The following TTC28 variants were observed in gnomAD, a reference collection of about 807,000 sequenced individuals.
TTC28 encodes tetratricopeptide repeat domain 28, also known as tetratricopeptide repeat protein 28.
Under a neutral mutation model 198.0 loss-of-function variants are expected in TTC28, and 61 were observed. The observed-to-expected ratio is 0.31, with a 90% CI of 0.25 to 0.38. TTC28 has a LOEUF of 0.38. TTC28 is among the 10% of genes least tolerant of loss of function. The probability of loss-of-function intolerance (pLI) is 1.00; values close to 1 mark genes in which losing one functional copy is unlikely to be tolerated. For synonymous variants in TTC28, 1,171 were observed against 1,297.8 expected (o/e 0.90, Z 2.10); for missense variants, 2,678 against 3,164.0 (o/e 0.85, Z 3.69).
intron 2 of TTC28, among the ~76,000 whole-genome samples, chr22:28,385,967 T>C (rs925454517): frequency 6.6e-6 from 1 of 151,854 alleles, no homozygotes; most frequent in Non-Finnish European, 1.5e-5. Context: ...CCCGCTCGAG[T>C]CCCATTTTCT....
intron 17 of TTC28, chr22:27,994,746 G>C (rs1937521600): frequency 6.6e-6 from 1 of 152,456 alleles, no homozygotes; most frequent in Admixed American, 6.5e-5. Flanking sequence ...GGCCTGAGGG[G>C]CCTCAAGGCC....
At chr22:28,176,835 C>T (rs1305751065) in intron 5 of TTC28, among the ~76,000 whole-genome samples, 2 of 152,074 alleles carry the variant, frequency 1.3e-5, no homozygotes, top group Non-Finnish European at 2.9e-5. Context: ...GGTGCTAGAA[C>T]AACTAGACAT....
chr22:28,294,725 C>T (rs1198770509), intron 5 of TTC28, among the ~76,000 whole-genome samples: 2 of 151,988 alleles, frequency 1.3e-5, no homozygotes, highest in Admixed American at 1.3e-4. Flanking sequence ...CCCGCCACCA[C>T]ACCCAGCTAA....
intron 2 of TTC28, among the ~76,000 whole-genome samples, chr22:28,368,310 A>C (rs1181101544): frequency 6.6e-6 from 1 of 152,126 alleles, no homozygotes; most frequent in Non-Finnish European, 1.5e-5. Flanking sequence ...GATCATTTCA[A>C]TTGATGCTGG....
chr22:28,089,894 C>T (rs1218360813), intron 12 of TTC28, among the ~76,000 whole-genome samples: 5 of 151,604 alleles, frequency 3.3e-5, no homozygotes, highest in Admixed American at 6.6e-5. Flanking sequence ...TGTTCTCACT[C>T]ACAGGTGGGA....
intron 2 of TTC28, among the ~76,000 whole-genome samples, chr22:28,362,930 C>T (rs980251587): frequency 1.3e-5 from 2 of 151,844 alleles, no homozygotes; most frequent in Admixed American, 1.3e-4. Context: ...CATAAAAGTT[C>T]GGAAAATTTG....
chr22:28,057,978 T>C (rs1013229562), intron 12 of TTC28, among the ~76,000 whole-genome samples: 3 of 152,212 alleles, frequency 2.0e-5, no homozygotes, highest in African/African-American at 7.2e-5. Flanking sequence ...TGCCACACTG[T>C]CTTGATTACT....
At chr22:27,999,453 G>T in intron 15 of TTC28, 193 bp from the exon 16 acceptor site, 2 of 834,754 alleles carry the variant, frequency 2.4e-6, no homozygotes, top group Admixed American at 3.0e-5. Flanking sequence ...TGAGAATCAT[G>T]CCTGCTGTGA....
intron 2 of TTC28, among the ~76,000 whole-genome samples, chr22:28,318,215 A>G (rs2045383382): frequency 6.6e-6 from 1 of 151,530 alleles, no homozygotes; most frequent in South Asian, 2.1e-4. Context: ...GGCCGCCTCC[A>G]CTGCTTTCAT....
intron 2 of TTC28, among the ~76,000 whole-genome samples, chr22:28,376,082 C>T (rs1371021229): frequency 6.6e-6 from 1 of 152,174 alleles, no homozygotes; most frequent in Admixed American, 6.5e-5. Flanking sequence ...CTTCTTGGCC[C>T]CCATAATCTC....
chr22:28,555,905 T>C (rs1967583934), intron 2 of TTC28, among the ~76,000 whole-genome samples: 1 of 152,238 alleles, frequency 6.6e-6, no homozygotes, highest in Non-Finnish European at 1.5e-5. Context: ...TACTCTTTTA[T>C]ACAGATAATT....
intron 2 of TTC28, among the ~76,000 whole-genome samples, chr22:28,385,649 T>C (rs2046569750): frequency 6.6e-6 from 1 of 152,070 alleles, no homozygotes; most frequent in Non-Finnish European, 1.5e-5. Context: ...AATTTTTTAC[T>C]TTCCAAATGC....
intron 1 of TTC28, among the ~76,000 whole-genome samples, chr22:28,639,594 TAGTA>T (rs1402841573): frequency 6.6e-6 from 1 of 152,198 alleles, no homozygotes; most frequent in Non-Finnish European, 1.5e-5. Flanking sequence ...GTTGTTGTGA[TAGTA>T]AGTCTCACAA....
At chr22:28,242,075 C>T (rs1929693430) in intron 5 of TTC28, among the ~76,000 whole-genome samples, 1 of 152,156 alleles carries the variant, frequency 6.6e-6, no homozygotes, top group South Asian at 2.1e-4. Context: ...AGTAAAATGA[C>T]ATAGCAGAAA....
chr22:28,207,644 C>G (rs1392106143), intron 5 of TTC28, among the ~76,000 whole-genome samples: 1 of 152,030 alleles, frequency 6.6e-6, no homozygotes, highest in African/African-American at 2.4e-5. Context: ...GTATTAGAAC[C>G]ATCAAAATCA....
chr22:28,429,184 C>A (rs1289155506), intron 2 of TTC28, among the ~76,000 whole-genome samples: 1 of 152,142 alleles, frequency 6.6e-6, no homozygotes, highest in Non-Finnish European at 1.5e-5. Context: ...CTTAGTAGAA[C>A]AGGGCTACAC....
intron 2 of TTC28, among the ~76,000 whole-genome samples, chr22:28,617,817 C>A (rs2050926019): frequency 6.6e-6 from 1 of 152,190 alleles, no homozygotes; most frequent in African/African-American, 2.4e-5. Context: ...TGCCATTGTT[C>A]TCCTGGCCAA....
intron 6 of TTC28, among the ~76,000 whole-genome samples, chr22:28,136,692 C>T (rs1333562287): frequency 1.2e-4 from 19 of 152,164 alleles, no homozygotes; most frequent in Non-Finnish European, 1.5e-5. Context: ...GTTATGGTGT[C>T]ACAAAGAGTG....
chr22:28,087,137 G>T (rs1305501107), intron 12 of TTC28, among the ~76,000 whole-genome samples: 1 of 152,112 alleles, frequency 6.6e-6, no homozygotes, highest in Non-Finnish European at 1.5e-5. Context: ...TAGAAAAAGA[G>T]GGAATCCTCC....
Sources: allele counts gnomAD v4.1 joint callset (sites outside exome capture counted in the v4.1 genomes callset), GRCh38; gene constraint gnomAD v4.1.1; transcripts MANE v1.5; gene names NCBI Gene and HGNC (gene_info 2026-07-23, HGNC 2026-07-21).